The following XKR5 variants were observed in gnomAD, a reference collection of about 807,000 sequenced individuals.
XKR5 encodes the protein XK-related protein 5.
A neutral mutation model predicts 40.8 loss-of-function variants in XKR5; 46 were observed. The ratio of observed to expected loss-of-function variants is 1.13; its 90% confidence interval spans 0.89 to 1.44. XKR5 has a LOEUF of 1.44. XKR5 is among the 40% of genes most tolerant of loss of function. The pLI is 0.00. For missense variants in XKR5, 1,169 were observed against 844.7 expected (o/e 1.38, Z -4.76); for synonymous variants, 466 against 356.1 (o/e 1.31, Z -3.48).
Position 6,832,707 on chromosome 8 carries a change from C to A in XKR5, c.242+10G>T, listed in dbSNP as rs761002806. 1 of 1,612,454 alleles carries A rather than the reference C, an allele frequency of 6.2e-7. No homozygotes were observed. The highest frequency in any genetic ancestry group is 8.5e-7 in the Non-Finnish European group (1 of 1,179,334). On this transcript the variant is annotated intron_variant, in intron 2 of 6. Transcript: ENST00000618742. ...TGTGCTCCAGAGGTGAAAGAGGCAG[C>A]TGTTCTTACCGCTTCCAAACACCAA...
rs1054400168 is a variant in XKR5, at chr8:6,811,481, T to C, written c.1778A>G (p.Asp593Gly). 49 of 1,528,606 alleles carry C rather than the reference T, an allele frequency of 3.2e-5. No individual in the cohort carries two copies. Among genetic ancestry groups the C allele is most frequent in the Non-Finnish European group, 4.3e-5 (49 of 1,142,012 alleles). The allele number at this position is 1,528,606 out of a possible 1,614,324, so 94.7% of individuals were successfully genotyped here. Residue 593 changes from aspartate to glycine, a missense_variant, in exon 7 of 7, where the codon GAC becomes GGC. Physicochemically the swap from Asp to Gly is moderately conservative, Grantham distance 94. Coordinates refer to ENST00000618742, the MANE Select transcript of XKR5 (RefSeq NM_207411.5). ...GATGGGGCTAATGTCGGCCATGGTG[T>C]CGGGGAAGGGCGCCAAGCCCACTGG... Reference protein sequence around the residue: ...PHPVGLAPFPDTMADISPILG... With the variant: ...PHPVGLAPFPGTMADISPILG...
In XKR5 at chr8:6,810,724, C is replaced by A. The variant is rs1803639834; in HGVS notation, c.*474G>T. 2 of 153,738 alleles carry A rather than the reference C, an allele frequency of 1.3e-5. No homozygotes were observed. Among genetic ancestry groups the A allele is most frequent in the African/African-American group, 4.8e-5 (2 of 41,444 alleles). The allele number at this position is 153,738 out of a possible 1,614,324, so 9.5% of individuals were successfully genotyped here. ...CAAGCACACAGGCCTTACCTACTCC[C>A]AGAAAGCATGCAAATTATCTTACCA... On this transcript the variant is annotated 3_prime_UTR_variant, in exon 7 of 7. Coordinates refer to ENST00000618742, the MANE Select transcript of XKR5 (RefSeq NM_207411.5).
Position 6,819,557 on chromosome 8 carries a change from C to T in XKR5, c.807+2312G>A, listed in dbSNP as rs140503829. ...CTCACACTCTGAATGGCCCGTGCCA[C>T]GGAGCCAGGGCTGCCCAGCACTGCC... is the stretch of plus-strand genomic sequence containing the variant. On this transcript the variant is annotated intron_variant, in intron 5 of 6. Transcript: ENST00000618742. Among the ~76,000 whole-genome samples, 504 of 152,326 alleles carry T rather than the reference C, an allele frequency of 3.3e-3. 2 individuals are homozygous for T. Among genetic ancestry groups the T allele is most frequent in the African/African-American group, 0.011 (451 of 41,566 alleles).
intron 5 of XKR5, among the ~76,000 whole-genome samples, chr8:6,820,950 A>G (rs916209323): frequency 2.0e-5 from 3 of 152,174 alleles, no homozygotes; most frequent in African/African-American, 7.2e-5. Context: ...GCCACAATTT[A>G]TGGGTTATTT....
intron 6 of XKR5, among the ~76,000 whole-genome samples, chr8:6,814,157 G>A (rs923429585): frequency 6.6e-6 from 1 of 152,216 alleles, no homozygotes; most frequent in Non-Finnish European, 1.5e-5. Flanking sequence ...GATGTCCTCA[G>A]TTTCCCATAG....
intron 5 of XKR5, among the ~76,000 whole-genome samples, chr8:6,817,980 C>T (rs1461620470): frequency 6.6e-6 from 1 of 152,200 alleles, no homozygotes; most frequent in Non-Finnish European, 1.5e-5. Context: ...TTCCACTTCC[C>T]TGTCTCTGGC....
At chr8:6,826,726 T>G (rs1229679324) in intron 2 of XKR5, among the ~76,000 whole-genome samples, 1 of 152,108 alleles carries the variant, frequency 6.6e-6, no homozygotes, top group South Asian at 2.1e-4. Context: ...CAGAAGAGAC[T>G]GTGTGAAGAC....
rs1804340105 is a variant in XKR5, at chr8:6,823,670, AAGC to A, written c.485_487del (p.Arg162_Phe163delinsLeu). 1 of 1,591,852 alleles carries A rather than the reference AAGC, an allele frequency of 6.3e-7. No individual in the cohort carries two copies. Among genetic ancestry groups the A allele is most frequent in the South Asian group, 1.1e-5 (1 of 87,242 alleles). ...GTGGCCTGGCTTCATGAAGCCCATGAAGCGAGTGTAGGACACCAGTGCCCAGGA... is the reference window on the plus strand; with the variant it reads ...GTGGCCTGGCTTCATGAAGCCCATGAGAGTGTAGGACACCAGTGCCCAGGA... On this transcript the variant is annotated inframe_deletion, in exon 4 of 7. Transcript: ENST00000618742.
rs1027027809 is a variant in XKR5 at position 6,812,184 on chromosome 8, C to T, written c.1075G>A (p.Glu359Lys). The T allele has an allele frequency of 1.4e-5, 22 of 1,551,668 alleles. No homozygotes were observed. The East Asian group carries it at 1.7e-4, about 12-fold the overall frequency. The change falls in exon 7 of 7, where the codon GAG (glutamate) becomes AAG (lysine). Residue 359 changes from glutamate (E) to lysine (K), a missense_variant. Transcript: ENST00000618742. ...RATDLAGKRT[E>K]SSGSCQGASY... The stretch of plus-strand genomic sequence containing the variant: ...GCCCCTTGGCATGAGCCTGAGCTCT[C>T]GGTTCTCTTCCCAGCTAGATCTGTG...
intron 4 of XKR5, 64 bp from the exon 5 acceptor site, chr8:6,822,102 A>C: frequency 2.7e-6 from 4 of 1,489,600 alleles, no homozygotes. Context: ...AGGCAAGGAC[A>C]CAGAGACCAG....
At chr8:6,824,851 GA>G (rs1451317100) in intron 3 of XKR5, among the ~76,000 whole-genome samples, 3 of 152,182 alleles carry the variant, frequency 2.0e-5, no homozygotes, top group Non-Finnish European at 2.9e-5. Context: ...AAAGACACAA[GA>G]AAAACATGTG....
At chr8:6,822,815 G>A in intron 4 of XKR5, among the ~76,000 whole-genome samples, 1 of 152,192 alleles carries the variant, frequency 6.6e-6, no homozygotes, top group East Asian at 1.9e-4. Flanking sequence ...GAGGGAGGAG[G>A]GAGGGCTTGG....
chr8:6,816,843 G>T (rs903898530), intron 5 of XKR5, among the ~76,000 whole-genome samples: 2 of 151,514 alleles, frequency 1.3e-5, no homozygotes, highest in African/African-American at 4.9e-5. Context: ...AGATTTGCCA[G>T]GTTATTCATT....
intron 2 of XKR5, among the ~76,000 whole-genome samples, chr8:6,829,538 T>C (rs891771872): frequency 2.0e-5 from 3 of 152,078 alleles, no homozygotes; most frequent in African/African-American, 7.3e-5. Flanking sequence ...TTATTTGAGA[T>C]TGAGTCTCAT....
In XKR5 at chr8:6,810,341, T is replaced by C. The variant is rs2117070855; in HGVS notation, c.*857A>G. On this transcript the variant is annotated 3_prime_UTR_variant, in exon 7 of 7. Coordinates refer to ENST00000618742, the MANE Select transcript of XKR5 (RefSeq NM_207411.5). The stretch of plus-strand genomic sequence containing the variant: ...AGGAATGGACGTTTCCTCCCTTCTT[T>C]TTGGATGGGCTTAAATCATGGATAG... 1 of 152,332 alleles carries C rather than the reference T, an allele frequency of 6.6e-6. No individual in the cohort carries two copies. Among genetic ancestry groups the C allele is most frequent in the African/African-American group, 2.4e-5 (1 of 41,552 alleles). 9.4% of individuals were successfully genotyped at this position (152,332 alleles called of 1,614,324 possible).
At chr8:6,817,346 G>A (rs900686474) in intron 5 of XKR5, among the ~76,000 whole-genome samples, 1 of 152,064 alleles carries the variant, frequency 6.6e-6, no homozygotes, top group Admixed American at 6.6e-5. Flanking sequence ...CCTTTCTGGG[G>A]TCATCTTCCA....
intron 6 of XKR5, among the ~76,000 whole-genome samples, chr8:6,814,570 G>C (rs1192461187): frequency 1.3e-5 from 2 of 152,196 alleles, no homozygotes; most frequent in Admixed American, 1.3e-4. Context: ...GATCCTGGCT[G>C]TGATGTTGTG....
chr8:6,817,827 A>G (rs1473003156), intron 5 of XKR5, among the ~76,000 whole-genome samples: 1 of 152,214 alleles, frequency 6.6e-6, no homozygotes, highest in African/African-American at 2.4e-5. Context: ...TGGTGGGTGC[A>G]TTGCCCTAAC....
intron 5 of XKR5, among the ~76,000 whole-genome samples, chr8:6,817,571 G>A (rs1804021327): frequency 6.6e-6 from 1 of 151,836 alleles, no homozygotes; most frequent in African/African-American, 2.4e-5. Flanking sequence ...CCCCTACGAT[G>A]CTGACCTCAG....
Sources: allele counts gnomAD v4.1 joint callset (sites outside exome capture counted in the v4.1 genomes callset), GRCh38; gene constraint gnomAD v4.1.1; transcripts MANE v1.5; gene names NCBI Gene and HGNC (gene_info 2026-07-23, HGNC 2026-07-21).